Variants in CFAP91 observed in about 807,000 individuals in gnomAD.
CFAP91 encodes cilia- and flagella-associated protein 91.
In CFAP91, 85 loss-of-function variants were observed where a neutral mutation model predicts 95.9. The ratio of observed to expected loss-of-function variants is 0.89; its 90% CI spans 0.74 to 1.06. The LOEUF (loss-of-function observed/expected upper bound fraction) is 1.06. CFAP91 is among the 50% of genes least tolerant of loss of function. CFAP91 has a pLI of 0.00. For missense variants in CFAP91, 962 were observed against 943.4 expected (o/e 1.02, Z -0.26); for synonymous variants, 335 against 327.5 (o/e 1.02, Z -0.25).
intron 6 of CFAP91, among the ~76,000 whole-genome samples, chr3:119,717,288 A>G (rs1335420631): frequency 1.3e-5 from 2 of 152,196 alleles, no homozygotes; most frequent in Admixed American, 6.5e-5. Context: ...TGTGATAAGG[A>G]CTTGGCGTTA....
rs144878303 is a variant in CFAP91, at chr3:119,747,465, G to A, written c.2051+202G>A. On this transcript the variant is annotated intron_variant, in intron 15 of 17. Transcript: ENST00000273390. ...ATTCTCAGTTATCCTCTGCAATCTG[G>A]ATTACTCTCATTACTTACTTTAAGA... Among the ~76,000 whole-genome samples, 392 of 152,252 alleles carry A rather than the reference G, an allele frequency of 2.6e-3. 4 individuals carry two copies. The highest frequency in any genetic ancestry group is 9.0e-3 in the African/African-American group (372 of 41,542).
At chr3:119,760,346 A>C (rs1414055848) in intron 17 of CFAP91, among the ~76,000 whole-genome samples, 1 of 151,874 alleles carries the variant, frequency 6.6e-6, no homozygotes, top group Non-Finnish European at 1.5e-5. Flanking sequence ...AACAATTATA[A>C]ATATATGTGC....
chr3:119,735,921 A>G (rs1418580888), intron 10 of CFAP91, among the ~76,000 whole-genome samples: 3 of 151,644 alleles, frequency 2.0e-5, no homozygotes, highest in African/African-American at 7.3e-5. Context: ...TTATACTTAT[A>G]TCGATCTAAG....
At chr3:119,723,770 C>G (rs1370921354) in intron 6 of CFAP91, among the ~76,000 whole-genome samples, 1 of 152,268 alleles carries the variant, frequency 6.6e-6, no homozygotes, top group South Asian at 2.1e-4. Context: ...CCTTTTAGCC[C>G]TTCAGTATCT....
At chr3:119,725,566 C>A (rs1266481040) in intron 6 of CFAP91, among the ~76,000 whole-genome samples, 1 of 152,052 alleles carries the variant, frequency 6.6e-6, no homozygotes, top group African/African-American at 2.4e-5. Context: ...CCAGCCTGGG[C>A]AACATGGTGA....
At chr3:119,747,961 A>C in intron 16 of CFAP91, 59 bp downstream of exon 16, 1 of 1,275,548 alleles carries the variant, frequency 7.8e-7, no homozygotes, top group Non-Finnish European at 1.1e-6. Flanking sequence ...TATTTTCAAT[A>C]TCCCAGAGAT....
At chr3:119,738,828 A>G (rs2054062328) in intron 11 of CFAP91, among the ~76,000 whole-genome samples, 1 of 152,232 alleles carries the variant, frequency 6.6e-6, no homozygotes, top group African/African-American at 2.4e-5. Flanking sequence ...TTTTATCAGC[A>G]TAGCTAAATT....
In CFAP91 at chr3:119,706,871, A is replaced by AT. The variant is rs1458782918; in HGVS notation, c.189dup (p.Arg64SerfsTer11). ...ACAGGCAAATATCCAAGCTACCCTG[A>AT]TTCGCAGCAGACTGGTATGTCTAAT... On this transcript the variant is annotated frameshift_variant, in exon 2 of 18. Transcript: ENST00000273390. LOFTEE classifies it high-confidence loss of function. The AT allele has an allele frequency of 6.2e-7, 1 of 1,612,604 alleles. No individual in the cohort carries two copies. Among genetic ancestry groups the AT allele is most frequent in the African/African-American group, 1.3e-5 (1 of 74,536 alleles).
Position 119,733,420 on chromosome 3 carries a change from GC to G in CFAP91, c.1259del (p.Ala420ValfsTer14), listed in dbSNP as rs1358748818. The G allele has an allele frequency of 6.2e-7, 1 of 1,614,022 alleles. No individual in the cohort carries two copies. Among genetic ancestry groups the G allele is most frequent in the Non-Finnish European group, 8.5e-7 (1 of 1,179,988 alleles). On this transcript the variant is annotated frameshift_variant, in exon 10 of 18. Coordinates refer to ENST00000273390, the MANE Select transcript of CFAP91 (RefSeq NM_033364.4). LOFTEE classifies it high-confidence loss of function. Reference protein sequence around the residue: ...PDFVTQPQIRAPKPKVITTKA... With the variant: ...PDFVTQPQIRXPKPKVITTKA... ...TTTTGTGACACAACCCCAAATCAGA[GC>G]TCCAAAACCTAAAGTCATTACCACC...
intron 1 of CFAP91, among the ~76,000 whole-genome samples, chr3:119,705,418 C>T (rs2053340367): frequency 6.6e-6 from 1 of 151,942 alleles, no homozygotes; most frequent in African/African-American, 2.4e-5. Flanking sequence ...ACTCTCTTTC[C>T]CCTCCTTCAT....
At chr3:119,749,375 T>A (rs906416257) in intron 16 of CFAP91, among the ~76,000 whole-genome samples, 1 of 152,030 alleles carries the variant, frequency 6.6e-6, no homozygotes, top group Non-Finnish European at 1.5e-5. Flanking sequence ...TATTTTAAAA[T>A]TAGCTAGGTG....
chr3:119,705,232 A>G (rs925513563), intron 1 of CFAP91, among the ~76,000 whole-genome samples: 1 of 152,238 alleles, frequency 6.6e-6, no homozygotes, highest in Non-Finnish European at 1.5e-5. Flanking sequence ...TGAAAATTTA[A>G]GTTAGAAATT....
chr3:119,740,001 C>T (rs1411876244), intron 12 of CFAP91, among the ~76,000 whole-genome samples: 1 of 152,110 alleles, frequency 6.6e-6, no homozygotes, highest in Non-Finnish European at 1.5e-5. Flanking sequence ...TGATATAAAG[C>T]CCCAGTTAAT....
chr3:119,717,552 T>G (rs866983039), intron 6 of CFAP91, among the ~76,000 whole-genome samples: 26,043 of 135,860 alleles, frequency 0.19, 2,605 homozygotes, highest in Admixed American at 0.24. Flanking sequence ...ATACGTTGGT[T>G]TTTTTTTTTT....
chr3:119,711,893 C>T (rs991609490), intron 5 of CFAP91, among the ~76,000 whole-genome samples: 4 of 152,208 alleles, frequency 2.6e-5, no homozygotes, highest in Non-Finnish European at 4.4e-5. Context: ...TTTGTGAAGC[C>T]CCTCTCTGTA....
intron 17 of CFAP91, among the ~76,000 whole-genome samples, chr3:119,754,709 C>T (rs1018806724): frequency 2.6e-5 from 4 of 152,218 alleles, no homozygotes; most frequent in Non-Finnish European, 5.9e-5. Flanking sequence ...AGCCAGGTGG[C>T]TTTCACCATG....
intron 17 of CFAP91, among the ~76,000 whole-genome samples, chr3:119,758,670 T>C (rs1400598629): frequency 1.3e-5 from 2 of 152,110 alleles, no homozygotes; most frequent in Admixed American, 6.5e-5. Flanking sequence ...AAGCAATAAA[T>C]ATGGATATTT....
intron 3 of CFAP91, among the ~76,000 whole-genome samples, chr3:119,707,995 C>T (rs1186640250): frequency 1.3e-5 from 2 of 151,970 alleles, no homozygotes; most frequent in African/African-American, 2.4e-5. Context: ...GAAAAAGTGT[C>T]TTTTGGCCAG....
chr3:119,727,968 GTGAACTATAA>G, intron 7 of CFAP91, among the ~76,000 whole-genome samples: 3 of 151,994 alleles, frequency 2.0e-5, no homozygotes, highest in Admixed American at 2.0e-4. Flanking sequence ...TCCTGCCCCA[GTGAACTATAA>G]GGAGCTCTGT....
Sources: gnomAD v4.1 joint callset for allele counts (sites outside exome capture counted in the v4.1 genomes callset) on GRCh38, gnomAD v4.1.1 for gene constraint, MANE v1.5 for transcripts, NCBI Gene and HGNC (gene_info 2026-07-23, HGNC 2026-07-21) for gene names.